Variants in SRRM5 observed in about 807,000 individuals in gnomAD.
SRRM5 encodes the protein serine/arginine repetitive matrix 5.
Under a neutral mutation model 1.3 loss-of-function variants are expected in SRRM5, and 1 was observed. That is an observed-to-expected ratio of 0.76 (90% CI 0.27 to 3.59). SRRM5 has a LOEUF of 3.59. Among genes scored for constraint, SRRM5 ranks in the 30% most tolerant of loss-of-function variants. The probability of loss-of-function intolerance (pLI) is 0.19; values close to 1 mark genes in which losing one functional copy is unlikely to be tolerated. For missense variants in SRRM5, 875 were observed against 914.5 expected, an observed-to-expected ratio of 0.96 and a Z score of 0.56; for synonymous variants, 275 against 320.2, an observed-to-expected ratio of 0.86 and a Z score of 1.51.
At position 43,614,349 on chromosome 19, in the gene SRRM5, C is replaced by T. The variant is rs1973350433; in HGVS notation, c.*80C>T. On this transcript the variant is annotated 3_prime_UTR_variant, in exon 1 of 1. Coordinates refer to ENST00000417606, the MANE Select transcript of SRRM5 (RefSeq NM_001145641.2). Reference sequence around the variant, plus strand: ...AGACAGGAGCAGAGCAGCAGCTGAGCAGCGTCCCTCCCCGGCCAGCTCTCC... The same window carrying T: ...AGACAGGAGCAGAGCAGCAGCTGAGTAGCGTCCCTCCCCGGCCAGCTCTCC... 4 of 1,552,620 alleles carry T rather than the reference C, an allele frequency of 2.6e-6. No individual in the cohort carries two copies. In the South Asian group the frequency reaches 3.7e-5, roughly 14 times the overall value.
chr19:43,613,777 C>A lies in SRRM5; in HGVS notation c.1656C>A (p.Ser552Arg), dbSNP rs755892279. 2 of 1,549,744 alleles carry A rather than the reference C, an allele frequency of 1.3e-6. No homozygotes were observed. The highest frequency in any genetic ancestry group is 1.4e-5 in the African/African-American group (1 of 73,020). The part of the protein sequence containing the change: ...ERDRSQSRSP[S>R]EEREHRQSRS... The stretch of plus-strand genomic sequence containing the variant: ...ATCGCAGCCAATCTAGAAGCCCCAG[C>A]GAGGAGAGAGAGCACAGACAATCCA... Residue 552 changes from serine to arginine, a missense_variant, in exon 1 of 1, where the codon AGC becomes AGA. Coordinates refer to ENST00000417606, the MANE Select transcript of SRRM5 (RefSeq NM_001145641.2).
chr19:43,614,473 A>T lies in SRRM5; in HGVS notation c.*204A>T, dbSNP rs1221707268. 6 of 1,426,832 alleles carry T rather than the reference A, an allele frequency of 4.2e-6. No homozygotes were observed. Among genetic ancestry groups the T allele is most frequent in the Non-Finnish European group, 5.5e-6 (6 of 1,095,330 alleles). The allele number at this position is 1,426,832 out of a possible 1,614,324, so 88.4% of individuals were successfully genotyped here. On this transcript the variant is annotated 3_prime_UTR_variant, in exon 1 of 1. Transcript: ENST00000417606. ...AAGGAAAGACCTGTGATGATTCAAT[A>T]AATTTTTACATAGCACCCATCCCCA...
rs957687163 is a variant in SRRM5 at position 43,614,283 on chromosome 19, C to T, written c.*14C>T. 1 of 1,611,690 alleles carries T rather than the reference C, an allele frequency of 6.2e-7. No individual in the cohort carries two copies. The highest frequency in any genetic ancestry group is 8.5e-7 in the Non-Finnish European group (1 of 1,178,582). Reference sequence around the variant, plus strand: ...AAGCTGGCGTAGCCCCCAGTCTCAGCTGGCTCACGGGTCTCTGTCATGACC... The same window carrying T: ...AAGCTGGCGTAGCCCCCAGTCTCAGTTGGCTCACGGGTCTCTGTCATGACC... On this transcript the variant is annotated 3_prime_UTR_variant, in exon 1 of 1. Coordinates refer to ENST00000417606, the MANE Select transcript of SRRM5 (RefSeq NM_001145641.2).
Position 43,614,485 on chromosome 19 carries a change from A to G in SRRM5, c.*216A>G. 7.0e-7 allele frequency: 1 copy of G among 1,420,504 alleles called. No homozygotes were observed. The highest frequency in any genetic ancestry group is 9.2e-7 in the Non-Finnish European group (1 of 1,090,832). 88.0% of individuals were successfully genotyped at this position (1,420,504 alleles called of 1,614,324 possible). A position where few individuals can be genotyped will look rare whatever the true frequency, so the allele number is the denominator to read the frequency against. On this transcript the variant is annotated 3_prime_UTR_variant, in exon 1 of 1. Coordinates refer to ENST00000417606, the MANE Select transcript of SRRM5 (RefSeq NM_001145641.2). ...GTGATGATTCAATAAATTTTTACATAGCACCCATCCCCACCAAGCCCAACT... is the reference window on the plus strand; with the variant it reads ...GTGATGATTCAATAAATTTTTACATGGCACCCATCCCCACCAAGCCCAACT...
rs111904462 is a variant in SRRM5 at position 43,614,268 on chromosome 19, A to G, written c.2147A>G (p.Ter716TrpextTer26). ...RSSSSSSKLA[*>W] is the part of the protein sequence containing the mutation. ...TCATCATCTTCTTCCAAGCTGGCGTAGCCCCCAGTCTCAGCTGGCTCACGG... is the reference window on the plus strand; with the variant it reads ...TCATCATCTTCTTCCAAGCTGGCGTGGCCCCCAGTCTCAGCTGGCTCACGG... The change falls in exon 1 of 1, where the codon TAG becomes TGG. Residue 716 changes from the stop codon to tryptophan, a stop_lost. Coordinates refer to ENST00000417606, the MANE Select transcript of SRRM5 (RefSeq NM_001145641.2). The G allele has an allele frequency of 6.2e-7, 1 of 1,613,578 alleles. No individual in the cohort carries two copies. The highest frequency in any genetic ancestry group is 8.5e-7 in the Non-Finnish European group (1 of 1,179,628).
At position 43,613,848 on chromosome 19, in the gene SRRM5, G is replaced by C; in HGVS notation, c.1727G>C (p.Ser576Thr). 6.4e-7 allele frequency: 1 copy of C among 1,551,294 alleles called. No homozygotes were observed. The highest frequency in any genetic ancestry group is 1.4e-5 in the African/African-American group (1 of 73,062). ...GATCGCAGACGATGGAGAAGCCCCA[G>C]CAAGGAGAGAGAGCGCAGACAATCT... is the stretch of plus-strand genomic sequence containing the variant. ...ERDRRRWRSP[S>T]KERERRQSRS... The change falls in exon 1 of 1, where the codon AGC (serine) becomes ACC (threonine). Residue 576 changes from serine (S) to threonine (T), a missense_variant. Ser to Thr is a moderately conservative substitution (Grantham distance 58). Coordinates refer to ENST00000417606, the MANE Select transcript of SRRM5 (RefSeq NM_001145641.2).
rs1395231238 is a variant in SRRM5 at position 43,613,898 on chromosome 19, C to G, written c.1777C>G (p.His593Asp). The change falls in exon 1 of 1, where the codon CAC (histidine) becomes GAC (aspartate). Residue 593 changes from histidine (H) to aspartate (D), a missense_variant. Physicochemically the swap from His to Asp is moderately conservative, Grantham distance 81. Coordinates refer to ENST00000417606, the MANE Select transcript of SRRM5 (RefSeq NM_001145641.2). Reference protein sequence around the residue: ...QSRSSSEERDHSRSRSPNKQS... With the variant: ...QSRSSSEERDDSRSRSPNKQS... ...TAGAAGCTCCAGCGAGGAGAGAGAT[C>G]ACAGCCGATCTAGAAGCCCCAATAA... 9.7e-6 allele frequency: 15 copies of G among 1,551,672 alleles called. No homozygotes were observed. The highest frequency in any genetic ancestry group is 1.2e-5 in the Non-Finnish European group (14 of 1,147,000).
chr19:43,614,284 T>C lies in SRRM5; in HGVS notation c.*15T>C, dbSNP rs1600088578. 6.2e-7 allele frequency: 1 copy of C among 1,611,798 alleles called. No individual in the cohort carries two copies. Among genetic ancestry groups the C allele is most frequent in the East Asian group, 2.2e-5 (1 of 44,870 alleles). On this transcript the variant is annotated 3_prime_UTR_variant, in exon 1 of 1. Coordinates refer to ENST00000417606, the MANE Select transcript of SRRM5 (RefSeq NM_001145641.2). ...AGCTGGCGTAGCCCCCAGTCTCAGCTGGCTCACGGGTCTCTGTCATGACCG... is the reference window on the plus strand; with the variant it reads ...AGCTGGCGTAGCCCCCAGTCTCAGCCGGCTCACGGGTCTCTGTCATGACCG...
chr19:43,614,048 C>T lies in SRRM5; in HGVS notation c.1927C>T (p.Gln643Ter), dbSNP rs1474044798. The stretch of plus-strand genomic sequence containing the variant: ...CTCTAGCAAGGAGAGCGACCCCAGT[C>T]AATCTACAGTCCCCAGAAGTCCCGA... The change falls in exon 3 of 3, where the codon CAA becomes TAA. Residue 643 changes from glutamine (Q) to a stop codon, truncating the protein, a stop_gained. Coordinates refer to the SRRM5 transcript ENST00000607544. LOFTEE classifies it low-confidence loss of function (END_TRUNC). 1.3e-6 allele frequency: 2 copies of T among 1,552,586 alleles called. No individual in the cohort carries two copies. The highest frequency in any genetic ancestry group is 2.7e-5 in the African/African-American group (2 of 73,064).
Position 43,613,858 on chromosome 19 carries a change from A to G in SRRM5, c.1737A>G (p.Arg579=). Residue 579 remains arginine (R), a synonymous_variant, in exon 1 of 1, where the codon AGA becomes AGG. Transcript: ENST00000417606. Reference sequence around the variant, plus strand: ...GATGGAGAAGCCCCAGCAAGGAGAGAGAGCGCAGACAATCTAGAAGCTCCA... The same window carrying G: ...GATGGAGAAGCCCCAGCAAGGAGAGGGAGCGCAGACAATCTAGAAGCTCCA... ...RRRWRSPSKE[R]ERRQSRSSSE... 6.4e-7 allele frequency: 1 copy of G among 1,551,474 alleles called. No individual in the cohort carries two copies.
In SRRM5 at chr19:43,613,230, GC is replaced by G. The variant is rs1265647160; in HGVS notation, c.1110del (p.Ser371ProfsTer316). 6 of 1,551,660 alleles carry G rather than the reference GC, an allele frequency of 3.9e-6. No homozygotes were observed. Among genetic ancestry groups the G allele is most frequent in the Non-Finnish European group, 5.2e-6 (6 of 1,146,980 alleles). ...GAAAGAAGTCATAGCCATTCCAGAA[GC>G]TCCAGCAAAGAGAGAGATCACAGGG... is the stretch of plus-strand genomic sequence containing the variant. On this transcript the variant is annotated frameshift_variant, in exon 3 of 3. Coordinates refer to the SRRM5 transcript ENST00000607544. LOFTEE classifies it low-confidence loss of function (END_TRUNC).
At position 43,612,286 on chromosome 19, in the gene SRRM5, A is replaced by C; in HGVS notation, c.165A>C (p.Ser55=). 1 of 1,551,712 alleles carries C rather than the reference A, an allele frequency of 6.4e-7. No homozygotes were observed. Among genetic ancestry groups the C allele is most frequent in the South Asian group, 1.2e-5 (1 of 84,056 alleles). Residue 55 remains serine, a synonymous_variant, in exon 1 of 1, where the codon TCA becomes TCC. Transcript: ENST00000417606. This position sits in a 1 kb window ranked among gnomAD's most constrained non-coding sequence, Gnocchi z 4.2. ...CCAAACCAGCGACATCCCGTAACTC[A>C]GTCATGAGCCCAAGCAGTTCCAAGT... ...VPTKPATSRN[S]VMSPSSSKST...
Position 43,612,171 on chromosome 19 carries a change from G to A in SRRM5, c.50G>A (p.Ser17Asn). 2.6e-6 allele frequency: 4 copies of A among 1,551,704 alleles called. No individual in the cohort carries two copies. The change falls in exon 1 of 1, where the codon AGT becomes AAT. Residue 17 changes from serine (S) to asparagine (N), a missense_variant. By Grantham distance (46) the Ser-to-Asn change is conservative (BLOSUM62 1). Coordinates refer to ENST00000417606, the MANE Select transcript of SRRM5 (RefSeq NM_001145641.2). The surrounding 1 kb of genome is among the most constrained non-coding windows in gnomAD (Gnocchi z 4.2). ...AAGCCCAGTATGTCTCTGGCACCCA[G>A]TGGATCCTCCATGCCCACTGCGGAT... is the stretch of plus-strand genomic sequence containing the variant. ...SSKPSMSLAP[S>N]GSSMPTADPK...
At position 43,613,815 on chromosome 19, in the gene SRRM5, AAGAG is replaced by A. The variant is rs1973339676; in HGVS notation, c.1700_1703del (p.Arg567IlefsTer119). 8 of 1,549,438 alleles carry A rather than the reference AAGAG, an allele frequency of 5.2e-6. No homozygotes were observed. Among genetic ancestry groups the A allele is most frequent in the Middle Eastern group, 1.7e-4 (1 of 5,982 alleles). On this transcript the variant is annotated frameshift_variant, in exon 3 of 3. Transcript: ENST00000607544. LOFTEE classifies it low-confidence loss of function (END_TRUNC). ...CACAGACAATCCAGAAGCCCCAGCA[AAGAG>A]AGAGATCGCAGACGATGGAGAAGCC...
Position 43,613,052 on chromosome 19 carries a change from C to G in SRRM5, c.931C>G (p.His311Asp). 1 of 1,551,590 alleles carries G rather than the reference C, an allele frequency of 6.4e-7. No homozygotes were observed. The highest frequency in any genetic ancestry group is 8.7e-7 in the Non-Finnish European group (1 of 1,146,956). ...RVRSHSWKRNHSRARSRTRKG... is the reference protein window; with the variant it reads ...RVRSHSWKRNDSRARSRTRKG... ...GAGAAGTCACAGTTGGAAGAGAAAC[C>G]ATAGCAGGGCAAGAAGTCGCACCCG... The change falls in exon 1 of 1, where the codon CAT becomes GAT. Residue 311 changes from histidine to aspartate, a missense_variant. By Grantham distance (81) the His-to-Asp change is moderately conservative. Transcript: ENST00000417606.
At position 43,614,311 on chromosome 19, in the gene SRRM5, G is replaced by A; in HGVS notation, c.*42G>A. ...GCTCACGGGTCTCTGTCATGACCGGGGGAGGGGACAGGAGACAGGAGCAGA... is the reference window on the plus strand; with the variant it reads ...GCTCACGGGTCTCTGTCATGACCGGAGGAGGGGACAGGAGACAGGAGCAGA... On this transcript the variant is annotated 3_prime_UTR_variant, in exon 1 of 1. Transcript: ENST00000417606. 1 of 1,599,968 alleles carries A rather than the reference G, an allele frequency of 6.3e-7. No individual in the cohort carries two copies. Among genetic ancestry groups the A allele is most frequent in the Middle Eastern group, 1.7e-4 (1 of 5,966 alleles).
At position 43,613,896 on chromosome 19, in the gene SRRM5, A is replaced by C. The variant is rs754895976; in HGVS notation, c.1775A>C (p.Asp592Ala). The change falls in exon 1 of 1, where the codon GAT (aspartate) becomes GCT (alanine). Residue 592 changes from aspartate (D) to alanine (A), a missense_variant. Transcript: ENST00000417606. ...RQSRSSSEER[D>A]HSRSRSPNKQ... ...TCTAGAAGCTCCAGCGAGGAGAGAG[A>C]TCACAGCCGATCTAGAAGCCCCAAT... 19 of 1,551,540 alleles carry C rather than the reference A, an allele frequency of 1.2e-5. No homozygotes were observed. Among genetic ancestry groups the C allele is most frequent in the Non-Finnish European group, 1.5e-5 (17 of 1,146,992 alleles).
At position 43,612,338 on chromosome 19, in the gene SRRM5, GC is replaced by G. The variant is rs1568534515; in HGVS notation, c.221del (p.Pro74LeufsTer21). On this transcript the variant is annotated frameshift_variant, in exon 3 of 3. Coordinates refer to the SRRM5 transcript ENST00000607544. LOFTEE classifies it low-confidence loss of function (END_TRUNC). The surrounding 1 kb of genome is among the most constrained non-coding windows in gnomAD (Gnocchi z 4.2). The stretch of plus-strand genomic sequence containing the variant: ...CACCAAATCGACCAGTACAAAAAGA[GC>G]CCCTTCTAACCGGCCCAGCAGCAGG... The G allele has an allele frequency of 6.4e-7, 1 of 1,551,646 alleles. No individual in the cohort carries two copies. Among genetic ancestry groups the G allele is most frequent in the Admixed American group, 2.0e-5 (1 of 50,984 alleles).
Position 43,612,789 on chromosome 19 carries a change from C to A in SRRM5, c.668C>A (p.Thr223Asn), listed in dbSNP as rs1292275594. Residue 223 changes from threonine (T) to asparagine (N), a missense_variant, in exon 1 of 1, where the codon ACT (threonine) becomes AAT (asparagine). Physicochemically the swap from Thr to Asn is moderately conservative, Grantham distance 65. Transcript: ENST00000417606. The surrounding 1 kb of genome is among the most constrained non-coding windows in gnomAD (Gnocchi z 4.2). Reference protein sequence around the residue: ...TPSTAKCQTPTGIPSKEKSDN... With the variant: ...TPSTAKCQTPNGIPSKEKSDN... ...AGTACAGCCAAGTGTCAAACCCCGACTGGAATTCCCTCCAAGGAGAAGAGT... is the reference window on the plus strand; with the variant it reads ...AGTACAGCCAAGTGTCAAACCCCGAATGGAATTCCCTCCAAGGAGAAGAGT... 1.9e-6 allele frequency: 3 copies of A among 1,551,522 alleles called. No homozygotes were observed. Among genetic ancestry groups the A allele is most frequent in the Admixed American group, 2.0e-5 (1 of 50,972 alleles).
Sources: allele counts gnomAD v4.1 joint callset, GRCh38; gene constraint gnomAD v4.1.1; non-coding constraint Gnocchi (gnomAD v3.1); transcripts MANE v1.5; gene names NCBI Gene and HGNC (gene_info 2026-07-23, HGNC 2026-07-21).